Variants in XRCC6 observed in about 807,000 individuals in gnomAD.
XRCC6 encodes DNA repair protein Ku70.
In XRCC6, 5 loss-of-function variants were observed where a neutral mutation model predicts 65.7. The ratio of observed to expected loss-of-function variants is 0.08; its 90% CI spans 0.04 to 0.16. The LOEUF (loss-of-function observed/expected upper bound fraction) is 0.16. Ranked by LOEUF, XRCC6 falls within the 10% of genes least tolerant of loss-of-function variation. The probability of loss-of-function intolerance (pLI) is 1.00; values close to 1 mark genes in which losing one functional copy is unlikely to be tolerated. For missense variants in XRCC6, 447 were observed against 738.1 expected, an observed-to-expected ratio of 0.61 and a Z score of 4.57; for synonymous variants, 270 against 270.6, an observed-to-expected ratio of 1.00 and a Z score of 0.02.
At chr22:41,636,811 A>T in intron 5 of XRCC6, 41 bp downstream of exon 5, 1 of 1,588,614 alleles carries the variant, frequency 6.3e-7, no homozygotes, top group Non-Finnish European at 8.5e-7. Context: ...GCACTTAATT[A>T]TTGTTTTTTT....
At chr22:41,642,395 A>G (rs1344002870) in intron 6 of XRCC6, among the ~76,000 whole-genome samples, 1 of 152,154 alleles carries the variant, frequency 6.6e-6, no homozygotes, top group East Asian at 1.9e-4. Context: ...GATAGTTTCC[A>G]GATATTTTCT....
At chr22:41,630,055 C>T (rs1159692816) in intron 3 of XRCC6, among the ~76,000 whole-genome samples, 4 of 147,744 alleles carry the variant, frequency 2.7e-5, no homozygotes, top group Admixed American at 6.9e-5. Context: ...ACAATCTTGG[C>T]TCACTACAAC....
At position 41,655,822 on chromosome 22, in the gene XRCC6, C is replaced by T. The variant is rs1403354432; in HGVS notation, c.1292-1081C>T. Among the ~76,000 whole-genome samples the T allele has an allele frequency of 2.0e-5, 3 of 151,670 alleles. No homozygotes were observed. In the East Asian group the frequency reaches 5.9e-4, roughly 30 times the overall value. On this transcript the variant is annotated intron_variant, in intron 9 of 12. Coordinates refer to ENST00000360079, the MANE Select transcript of XRCC6 (RefSeq NM_001469.5). Reference sequence around the variant, plus strand: ...CAAGTGATCCTCCTGCTTCAGCCTCCCAAAGTGCTGTGCTTACCGACGTGA... The same window carrying T: ...CAAGTGATCCTCCTGCTTCAGCCTCTCAAAGTGCTGTGCTTACCGACGTGA...
At chr22:41,621,673 C>T (rs2067606751) in intron 1 of XRCC6, 1 of 293,732 alleles carries the variant, frequency 3.4e-6, no homozygotes, top group Non-Finnish European at 6.5e-6. Flanking sequence ...CGAGGGGGTC[C>T]GTTAGTCAGC....
chr22:41,633,079 A>G (rs913735030), intron 3 of XRCC6, among the ~76,000 whole-genome samples: 1 of 152,100 alleles, frequency 6.6e-6, no homozygotes, highest in African/African-American at 2.4e-5. Context: ...GTGAGCCGAG[A>G]TGGCACTATT....
At chr22:41,642,445 T>G (rs549263870) in intron 6 of XRCC6, among the ~76,000 whole-genome samples, 1 of 152,304 alleles carries the variant, frequency 6.6e-6, no homozygotes, top group South Asian at 2.1e-4. Context: ...TGCAGAAGCT[T>G]TTTAACTTGA....
chr22:41,649,853 TAATA>T (rs1226836599), intron 7 of XRCC6, among the ~76,000 whole-genome samples: 2 of 146,116 alleles, frequency 1.4e-5, no homozygotes, highest in Admixed American at 1.4e-4. Flanking sequence ...AAAAAAATAA[TAATA>T]AATAAATAAA....
At position 41,629,173 on chromosome 22, in the gene XRCC6, G is replaced by A. The variant is rs5996042; in HGVS notation, c.195+943G>A. On this transcript the variant is annotated intron_variant, in intron 3 of 12. Transcript: ENST00000360079. Reference sequence around the variant, plus strand: ...TTGGCAAGGCTGTGGAGAAATTGGCGTGATTGACTGTACCTGACCTGTTCT... The same window carrying A: ...TTGGCAAGGCTGTGGAGAAATTGGCATGATTGACTGTACCTGACCTGTTCT... Among the ~76,000 whole-genome samples, 75 of 152,144 alleles carry A rather than the reference G, an allele frequency of 4.9e-4. 1 individual carries two copies. The highest frequency in any genetic ancestry group is 1.2e-3 in the African/African-American group (50 of 41,488).
chr22:41,636,822 A>G (rs772256327), intron 5 of XRCC6, 52 bp downstream of exon 5: 13 of 1,566,930 alleles, frequency 8.3e-6, no homozygotes, highest in Non-Finnish European at 1.1e-5. Flanking sequence ...TTGTTTTTTT[A>G]TTTTTTATTT....
chr22:41,652,346 A>T lies in XRCC6; in HGVS notation c.1130-1183A>T, dbSNP rs373125829. On this transcript the variant is annotated intron_variant, in intron 8 of 12. Transcript: ENST00000360079. ...CATTAACCTAGTGTCAGTAAAAGTG[A>T]ACTGACATTAATAATTTGCTTTTTT... is the stretch of plus-strand genomic sequence containing the variant. Among the ~76,000 whole-genome samples the T allele has an allele frequency of 1.2e-3, 184 of 151,382 alleles. 1 individual carries two copies. Among genetic ancestry groups the T allele is most frequent in the African/African-American group, 4.2e-3 (174 of 41,242 alleles).
At chr22:41,641,798 T>A (rs1384002384) in intron 6 of XRCC6, among the ~76,000 whole-genome samples, 1 of 152,158 alleles carries the variant, frequency 6.6e-6, no homozygotes, top group Non-Finnish European at 1.5e-5. Flanking sequence ...TGACAGGATC[T>A]CCTTTTTTTT....
At chr22:41,634,822 C>CTT (rs2067792834) in intron 3 of XRCC6, among the ~76,000 whole-genome samples, 2 of 152,268 alleles carry the variant, frequency 1.3e-5, no homozygotes, top group South Asian at 4.1e-4. Flanking sequence ...GGATTATAGG[C>CTT]ATGAGCCACC....
intron 6 of XRCC6, among the ~76,000 whole-genome samples, chr22:41,645,300 TAAAAAAA>T (rs993256489): frequency 1.2e-4 from 17 of 136,954 alleles, no homozygotes; most frequent in Admixed American, 2.2e-4. Context: ...ACTCCATCTT[TAAAAAAA>T]AAAAACAAAA....
chr22:41,627,700 C>A (rs1398703278), intron 2 of XRCC6, among the ~76,000 whole-genome samples: 1 of 151,362 alleles, frequency 6.6e-6, no homozygotes, highest in Admixed American at 6.6e-5. Flanking sequence ...TAGCACAATA[C>A]CATCTCTACA....
rs2067807971 is a variant in XRCC6, at chr22:41,636,215, A to G, written c.298A>G (p.Lys100Glu). Residue 100 changes from lysine to glutamate, a missense_variant, in exon 4 of 13, where the codon AAA (lysine) becomes GAA (glutamate). Coordinates refer to ENST00000360079, the MANE Select transcript of XRCC6 (RefSeq NM_001469.5). ...GAAAGACAAAAATTCAGTGAATTTT[A>G]AAAATATTTACGTCTTACAGGAGCT... ...TEKDKNSVNF[K>E]NIYVLQELDN... 7 of 1,604,648 alleles carry G rather than the reference A, an allele frequency of 4.4e-6. No homozygotes were observed. In the East Asian group the frequency reaches 1.6e-4, roughly 36 times the overall value.
chr22:41,636,234 A>G lies in XRCC6; in HGVS notation c.317A>G (p.Gln106Arg), dbSNP rs1270879941. The G allele has an allele frequency of 1.9e-6, 3 of 1,600,040 alleles. No individual in the cohort carries two copies. Among genetic ancestry groups the G allele is most frequent in the Non-Finnish European group, 2.6e-6 (3 of 1,176,114 alleles). The change falls in exon 4 of 13, where the codon CAG becomes CGG. Residue 106 changes from glutamine to arginine, a missense_variant. Gln to Arg is a conservative substitution (Grantham distance 43, BLOSUM62 1). Transcript: ENST00000360079. ...AATTTTAAAAATATTTACGTCTTAC[A>G]GGAGCTGGATAATCCAGGTCAGTAA... The part of the protein sequence containing the change: ...SVNFKNIYVL[Q>R]ELDNPGAKRI...
chr22:41,644,731 C>T (rs2067913641), intron 6 of XRCC6, among the ~76,000 whole-genome samples: 1 of 151,894 alleles, frequency 6.6e-6, no homozygotes, highest in African/African-American at 2.4e-5. Context: ...TCAGGCAATC[C>T]GCCCGCCTCA....
chr22:41,653,910 C>T (rs1235313299), intron 9 of XRCC6, among the ~76,000 whole-genome samples: 4 of 152,134 alleles, frequency 2.6e-5, no homozygotes, highest in Non-Finnish European at 5.9e-5. Context: ...GGCTGATCTG[C>T]AGCTAGGATA....
At chr22:41,657,256 T>G (rs546577439) in intron 10 of XRCC6, among the ~76,000 whole-genome samples, 3 of 152,336 alleles carry the variant, frequency 2.0e-5, no homozygotes, top group African/African-American at 7.2e-5. Flanking sequence ...TTAGCCAGAT[T>G]AGTTGGTTGA....
Sources: allele counts gnomAD v4.1 joint callset (sites outside exome capture counted in the v4.1 genomes callset), GRCh38; gene constraint gnomAD v4.1.1; transcripts MANE v1.5; gene names NCBI Gene and HGNC (gene_info 2026-07-23, HGNC 2026-07-21).